The following PRR35 variants were observed in gnomAD, a reference collection of about 807,000 sequenced individuals.
PRR35 encodes the protein proline rich 35.
A neutral mutation model predicts 18.6 loss-of-function variants in PRR35; 14 were observed. The observed-to-expected ratio is 0.75, with a 90% CI of 0.50 to 1.18. The LOEUF (loss-of-function observed/expected upper bound fraction) is 1.18. Among genes scored for constraint, PRR35 ranks in the 50% most tolerant of loss-of-function variants. The pLI is 0.00. For synonymous variants in PRR35, 425 were observed against 378.2 expected (o/e 1.12, Z -1.43); for missense variants, 832 against 792.2 (o/e 1.05, Z -0.60).
upstream of PRR35, chr16:560,225 G>A (rs920769196): frequency 8.3e-6 from 5 of 604,568 alleles, no homozygotes; most frequent in African/African-American, 6.0e-5. Context: ...CGGTCCCGGC[G>A]CACGAGGCCG....
chr16:561,278 G>A (rs933575216), intron 1 of PRR35, among the ~76,000 whole-genome samples: 25 of 152,216 alleles, frequency 1.6e-4, no homozygotes, highest in Non-Finnish European at 3.4e-4. Flanking sequence ...TGCTGAGACA[G>A]CCCCTTGGAC....
Position 565,242 on chromosome 16 carries a change from A to G in PRR35, c.1651A>G (p.Thr551Ala), listed in dbSNP as rs1344357814. ...PGSGWGTCVA[T>A]RSSQTPEAVC... is the part of the protein sequence containing the mutation. ...CAGTGGCTGGGGCACCTGTGTTGCG[A>G]CGAGGAGTTCCCAGACCCCTGAGGC... Residue 551 changes from threonine to alanine, a missense_variant, in exon 3 of 3, where the codon ACG becomes GCG. Transcript: ENST00000409413. 1.2e-6 allele frequency: 2 copies of G among 1,602,088 alleles called. No homozygotes were observed. The highest frequency in any genetic ancestry group is 2.2e-5 in the South Asian group (2 of 89,058).
intron 1 of PRR35, among the ~76,000 whole-genome samples, chr16:563,033 GACT>G (rs2035466256): frequency 7.7e-6 from 1 of 129,124 alleles, no homozygotes; most frequent in Non-Finnish European, 1.8e-5. Flanking sequence ...CGCTGTCCTG[GACT>G]TTTTTTTTTT....
Position 563,322 on chromosome 16 carries a change from G to C in PRR35, c.28G>C (p.Val10Leu). 6.2e-7 allele frequency: 1 copy of C among 1,610,560 alleles called. No individual in the cohort carries two copies. The highest frequency in any genetic ancestry group is 8.5e-7 in the Non-Finnish European group (1 of 1,179,142). Residue 10 changes from valine to leucine, a missense_variant, in exon 2 of 3, where the codon GTG (valine) becomes CTG (leucine). Coordinates refer to ENST00000409413, the MANE Select transcript of PRR35 (RefSeq NM_145270.3). ...GTCGCGGGAGGCGGGCTCATGCCGC[G>C]TGGGCACAGGGGCGAGGGCGCGGTC... is the stretch of plus-strand genomic sequence containing the variant. MSREAGSCR[V>L]GTGARARSRK...
intron 2 of PRR35, 48 bp downstream of exon 2, chr16:564,424 C>G (rs1022639631): frequency 1.3e-6 from 2 of 1,578,486 alleles, no homozygotes; most frequent in Non-Finnish European, 1.7e-6. Context: ...AGGGGCTGGG[C>G]GGCTGGGCAT....
At chr16:560,300 G>A (rs575744015), upstream of PRR35, 19,608 of 964,232 alleles carry the variant, frequency 0.02, 206 homozygotes, top group Non-Finnish European at 0.022. Flanking sequence ...TCGGGCCGGG[G>A]GCTGCTCCTT....
Position 564,557 on chromosome 16 carries a change from C to G in PRR35, c.1083-117C>G, listed in dbSNP as rs541737773. On this transcript the variant is annotated intron_variant, in intron 2 of 2. Transcript: ENST00000409413. Reference sequence around the variant, plus strand: ...GCCAGCGCGGGGGTCCTCGGGGTCTCCAGGAGAGCCTAGGCTCTAGGCTGG... The same window carrying G: ...GCCAGCGCGGGGGTCCTCGGGGTCTGCAGGAGAGCCTAGGCTCTAGGCTGG... The G allele has an allele frequency of 3.6e-6, 5 of 1,403,640 alleles. No homozygotes were observed. The Admixed American group carries it at 7.6e-5, about 21-fold the overall frequency. 86.9% of individuals were successfully genotyped at this position (1,403,640 alleles called of 1,614,324 possible).
rs1239640344 is a variant in PRR35, at chr16:563,145, G to A, written c.-39-111G>A. The A allele has an allele frequency of 1.0e-5, 11 of 1,101,408 alleles. No homozygotes were observed. The East Asian group carries it at 2.2e-4, about 22-fold the overall frequency. The allele number at this position is 1,101,408 out of a possible 1,614,324, so 68.2% of individuals were successfully genotyped here. A position where few individuals can be genotyped will look rare whatever the true frequency, so the allele number is the denominator to read the frequency against. ...GCACGTTGCAGGGCAGAGGCGGCGG[G>A]GTGGGGGGAGCACCCAGGCTCCAGT... On this transcript the variant is annotated intron_variant, in intron 1 of 2. Coordinates refer to ENST00000409413, the MANE Select transcript of PRR35 (RefSeq NM_145270.3).
In PRR35 at chr16:560,812, C is replaced by CG. The variant is rs569352888; in HGVS notation, c.-40+157dup. 1,360 of 361,920 alleles carry CG rather than the reference C, an allele frequency of 3.8e-3. 23 individuals carry two copies. The African/African-American group carries it at 0.044, about 12-fold the overall frequency. The allele number at this position is 361,920 out of a possible 1,614,324, so 22.4% of individuals were successfully genotyped here. On this transcript the variant is annotated intron_variant, in intron 1 of 2. Coordinates refer to ENST00000409413, the MANE Select transcript of PRR35 (RefSeq NM_145270.3). The stretch of plus-strand genomic sequence containing the variant: ...CTCTTCTCGAAGTCCAGGAGCAGCG[C>CG]GGGGGGAGGGAGGGCCGCCCTCAGG...
upstream of PRR35, chr16:560,307 C>G: frequency 1.0e-6 from 1 of 975,846 alleles, no homozygotes; most frequent in South Asian, 4.7e-5. Flanking sequence ...GGGGGCTGCT[C>G]CTTCCCTCCC....
intron 1 of PRR35, among the ~76,000 whole-genome samples, chr16:562,519 A>G (rs1045933587): frequency 1.2e-4 from 15 of 122,128 alleles, no homozygotes; most frequent in African/African-American, 5.4e-4. Context: ...ATGCACACAC[A>G]GGCGCACACA....
upstream of PRR35, chr16:560,250 G>C (rs938336809): frequency 2.2e-4 from 157 of 730,056 alleles, no homozygotes; most frequent in Non-Finnish European, 2.4e-4. Flanking sequence ...GTGCGCGCCA[G>C]GGGGCGGCGG....
At position 564,995 on chromosome 16, in the gene PRR35, T is replaced by G; in HGVS notation, c.1404T>G (p.Ser468=). 6.2e-7 allele frequency: 1 copy of G among 1,606,836 alleles called. No individual in the cohort carries two copies. Among genetic ancestry groups the G allele is most frequent in the Non-Finnish European group, 8.5e-7 (1 of 1,177,904 alleles). ...VRPPDAPLDL[S]VKRAPAKGPQ... ...CGCCAGACGCACCCCTCGACCTCTC[T>G]GTGAAACGTGCGCCCGCCAAGGGGC... The change falls in exon 3 of 3, where the codon TCT becomes TCG. Residue 468 remains serine, a synonymous_variant. Coordinates refer to ENST00000409413, the MANE Select transcript of PRR35 (RefSeq NM_145270.3).
intron 2 of PRR35, 42 bp downstream of exon 2, chr16:564,418 G>T: frequency 6.3e-7 from 1 of 1,580,682 alleles, no homozygotes; most frequent in South Asian, 1.1e-5. Context: ...GGACGGAGGG[G>T]CTGGGCGGCT....
In PRR35 at chr16:564,852, C is replaced by T. The variant is rs371481795; in HGVS notation, c.1261C>T (p.Arg421Cys). Reference protein sequence around the residue: ...ALGDYARVEQRLGQLGPAGGL... With the variant: ...ALGDYARVEQCLGQLGPAGGL... ...CGGTGACTACGCCAGGGTGGAGCAGCGCCTGGGACAGTTGGGGCCCGCGGG... is the reference window on the plus strand; with the variant it reads ...CGGTGACTACGCCAGGGTGGAGCAGTGCCTGGGACAGTTGGGGCCCGCGGG... The change falls in exon 3 of 3, where the codon CGC becomes TGC. Residue 421 changes from arginine to cysteine, a missense_variant. Around this residue, in one of 3 missense-constraint regions of PRR35, gnomAD observed 768 missense variants for 704.1 expected, o/e 1.09. Coordinates refer to ENST00000409413, the MANE Select transcript of PRR35 (RefSeq NM_145270.3). 55 of 1,557,438 alleles carry T rather than the reference C, an allele frequency of 3.5e-5. 1 individual carries two copies. Among genetic ancestry groups the T allele is most frequent in the South Asian group, 1.8e-4 (15 of 84,176 alleles).
Position 564,819 on chromosome 16 carries a change from C to T in PRR35, c.1228C>T (p.Arg410Ter), listed in dbSNP as rs772619501. Residue 410 changes from arginine to a stop codon, truncating the protein, a stop_gained, in exon 3 of 3, where the codon CGA (arginine) becomes TGA (stop). Coordinates refer to ENST00000409413, the MANE Select transcript of PRR35 (RefSeq NM_145270.3). LOFTEE classifies it low-confidence loss of function (END_TRUNC). ...GGAGCATGTGGGCGAGGACCTGACC[C>T]GAGCCCTCGGTGACTACGCCAGGGT... is the stretch of plus-strand genomic sequence containing the variant. ...SPEHVGEDLT[R>*]ALGDYARVEQ... The T allele has an allele frequency of 1.7e-5, 27 of 1,559,304 alleles. No individual in the cohort carries two copies. The highest frequency in any genetic ancestry group is 3.5e-5 in the South Asian group (3 of 84,920).
Position 560,657 on chromosome 16 carries a change from C to A in PRR35, c.-44C>A, listed in dbSNP as rs188024646. 24,369 of 967,622 alleles carry A rather than the reference C, an allele frequency of 0.025. 390 individuals are homozygous for A. The highest frequency in any genetic ancestry group is 0.086 in the African/African-American group (4,303 of 49,976). The allele number at this position is 967,622 out of a possible 1,614,324, so 59.9% of individuals were successfully genotyped here. The stretch of plus-strand genomic sequence containing the variant: ...CTTGGCGGCTCCGCTCCCGGCCGGG[C>A]GCAGGTAGGAGCGGCGGGAGCCGCG... On this transcript the variant is annotated 5_prime_UTR_variant, in exon 1 of 3. Coordinates refer to ENST00000409413, the MANE Select transcript of PRR35 (RefSeq NM_145270.3).
At chr16:561,014 G>GGA (rs530944302) in intron 1 of PRR35, among the ~76,000 whole-genome samples, 1 of 151,860 alleles carries the variant, frequency 6.6e-6, no homozygotes, top group South Asian at 2.1e-4. Context: ...CTGTGGGGGT[G>GGA]CCTGTGCCCC....
At position 565,524 on chromosome 16, in the gene PRR35, T is replaced by C; in HGVS notation, c.*217T>C. 1 of 471,920 alleles carries C rather than the reference T, an allele frequency of 2.1e-6. No individual in the cohort carries two copies. The highest frequency in any genetic ancestry group is 3.5e-6 in the Non-Finnish European group (1 of 282,716). The allele number at this position is 471,920 out of a possible 1,614,324, so 29.2% of individuals were successfully genotyped here. On this transcript the variant is annotated 3_prime_UTR_variant, in exon 3 of 3. Transcript: ENST00000409413. ...ATTGTGGACATTAAAACAGAAACTG[T>C]TCACACACGCCGTCTGTGCCTCCTT...
Sources: gnomAD v4.1 joint callset for allele counts (sites outside exome capture counted in the v4.1 genomes callset) on GRCh38, gnomAD v4.1.1 for gene constraint, gnomAD v4.1.1 regional missense constraint, MANE v1.5 for transcripts, NCBI Gene and HGNC (gene_info 2026-07-23, HGNC 2026-07-21) for gene names.